RXYLT1: variants seen among roughly 807,000 people sequenced by gnomAD.
RXYLT1 encodes ribitol xylosyltransferase 1, also known as ribitol-5-phosphate xylosyltransferase 1.
A neutral mutation model predicts 43.5 loss-of-function variants in RXYLT1; 41 were observed. That is an observed-to-expected ratio of 0.94 (90% CI 0.73 to 1.22). The LOEUF is 1.22. Ranked by LOEUF, RXYLT1 falls within the 50% of genes most tolerant of loss-of-function variation. RXYLT1 has a pLI of 0.00. For missense variants in RXYLT1, 514 were observed against 532.0 expected (o/e 0.97, Z 0.33); for synonymous variants, 166 against 194.4 (o/e 0.85, Z 1.21).
intron 2 of RXYLT1, among the ~76,000 whole-genome samples, chr12:63,784,372 C>G (rs372564519): frequency 3.0e-4 from 45 of 152,308 alleles, no homozygotes; most frequent in African/African-American, 1.1e-3. Context: ...CTGCTCTCCT[C>G]TACTCTCAGA....
chr12:63,787,530 T>G (rs530060527), intron 3 of RXYLT1, among the ~76,000 whole-genome samples: 2 of 152,316 alleles, frequency 1.3e-5, no homozygotes, highest in South Asian at 4.1e-4. Flanking sequence ...TAATGAATCA[T>G]CTCCAGAAGG....
At chr12:63,788,268 T>C (rs1222894732) in intron 3 of RXYLT1, among the ~76,000 whole-genome samples, 1 of 152,222 alleles carries the variant, frequency 6.6e-6, no homozygotes, top group East Asian at 1.9e-4. Context: ...TAAATGAGCA[T>C]TGGCTTCAAC....
intron 3 of RXYLT1, among the ~76,000 whole-genome samples, chr12:63,797,359 TAACTC>T (rs1233834272): frequency 6.6e-6 from 1 of 152,020 alleles, no homozygotes; most frequent in East Asian, 1.9e-4. Context: ...GAAAGGCAAT[TAACTC>T]AATCTAAGTA....
At chr12:63,786,127 A>T (rs1464304710) in intron 3 of RXYLT1, among the ~76,000 whole-genome samples, 2 of 152,158 alleles carry the variant, frequency 1.3e-5, no homozygotes, top group Admixed American at 1.3e-4. Context: ...TATAAATCTA[A>T]TATTTTGGTA....
chr12:63,806,541 T>C (rs1008294200), intron 5 of RXYLT1: 2 of 152,222 alleles, frequency 1.3e-5, no homozygotes, highest in African/African-American at 4.8e-5. Context: ...GGCAGGAATG[T>C]GCTTACTATG....
chr12:63,801,063 C>T (rs898867558), intron 3 of RXYLT1, among the ~76,000 whole-genome samples: 1 of 152,008 alleles, frequency 6.6e-6, no homozygotes, highest in Non-Finnish European at 1.5e-5. Context: ...GGTAAAGCTC[C>T]CTTTGTACTG....
At position 63,781,018 on chromosome 12, in the gene RXYLT1, G is replaced by C. The variant is rs369494693; in HGVS notation, c.170-1G>C. The C allele has an allele frequency of 6.3e-7, 1 of 1,589,176 alleles. No homozygotes were observed. The highest frequency in any genetic ancestry group is 8.5e-7 in the Non-Finnish European group (1 of 1,170,726). On this transcript the variant is annotated splice_acceptor_variant, in intron 1 of 5. Transcript: ENST00000261234. LOFTEE classifies it high-confidence loss of function. Reference sequence around the variant, plus strand: ...GTAAACACTTACTCTTTTTAAAACAGAACAGTCCACTTTGGAAAGTGAAGA... The same window carrying C: ...GTAAACACTTACTCTTTTTAAAACACAACAGTCCACTTTGGAAAGTGAAGA...
chr12:63,802,402 C>T lies in RXYLT1; in HGVS notation c.740C>T (p.Ala247Val). ...VDVFQWPLGV[A>V]TYRNFPVVEA... ...GTTTTTCAGTGGCCTTTAGGAGTAG[C>T]AACGTAAGTACAAAATATGATTAAA... The change falls in exon 4 of 6, where the codon GCA becomes GTA. Residue 247 changes from alanine (A) to valine (V), a missense_variant. By Grantham distance (64) the Ala-to-Val change is moderately conservative. Coordinates refer to ENST00000261234, the MANE Select transcript of RXYLT1 (RefSeq NM_014254.3). 1.3e-6 allele frequency: 2 copies of T among 1,565,432 alleles called. No individual in the cohort carries two copies. The highest frequency in any genetic ancestry group is 1.7e-6 in the Non-Finnish European group (2 of 1,154,666).
Position 63,797,537 on chromosome 12 carries a change from T to C in RXYLT1, c.429-4554T>C, listed in dbSNP as rs547304094. Among the ~76,000 whole-genome samples the C allele has an allele frequency of 4.6e-5, 7 of 152,244 alleles. No individual in the cohort carries two copies. The South Asian group carries it at 1.0e-3, about 23-fold the overall frequency. On this transcript the variant is annotated intron_variant, in intron 3 of 5. Coordinates refer to ENST00000261234, the MANE Select transcript of RXYLT1 (RefSeq NM_014254.3). The stretch of plus-strand genomic sequence containing the variant: ...GATAAACTTGGGTTTATGCATGGAA[T>C]TGCAAACCAATCAATATTCCTAGAG...
chr12:63,783,479 A>G (rs1897732986), intron 2 of RXYLT1, among the ~76,000 whole-genome samples: 3 of 151,990 alleles, frequency 2.0e-5, no homozygotes, highest in African/African-American at 4.8e-5. Flanking sequence ...AAAACATTGC[A>G]TATTCTTACC....
chr12:63,780,184 G>C, intron 1 of RXYLT1, 55 bp downstream of exon 1: 1 of 1,402,368 alleles, frequency 7.1e-7, no homozygotes. Flanking sequence ...TGGGGCTGCT[G>C]GGCGGCTGGG....
At chr12:63,798,220 T>C (rs1440065198) in intron 3 of RXYLT1, among the ~76,000 whole-genome samples, 1 of 152,162 alleles carries the variant, frequency 6.6e-6, no homozygotes, top group Admixed American at 6.5e-5. Context: ...CTCTCAAACA[T>C]TGAGTGATCT....
At position 63,808,736 on chromosome 12, in the gene RXYLT1, G is replaced by A. The variant is rs759023683; in HGVS notation, c.976G>A (p.Asp326Asn). 57 of 1,611,124 alleles carry A rather than the reference G, an allele frequency of 3.5e-5. No homozygotes were observed. The highest frequency in any genetic ancestry group is 4.4e-5 in the Non-Finnish European group (52 of 1,179,476). Residue 326 changes from aspartate to asparagine, a missense_variant, in exon 6 of 6, where the codon GAT becomes AAT. Coordinates refer to ENST00000261234, the MANE Select transcript of RXYLT1 (RefSeq NM_014254.3). Reference sequence around the variant, plus strand: ...TTACCAAGATGCCTTGCTTCAGAGTGATCTCACATTGTGCCCGGTCGGAGT... The same window carrying A: ...TTACCAAGATGCCTTGCTTCAGAGTAATCTCACATTGTGCCCGGTCGGAGT... ...KNYQDALLQS[D>N]LTLCPVGVNT...
At position 63,783,198 on chromosome 12, in the gene RXYLT1, C is replaced by G. The variant is rs117567699; in HGVS notation, c.326-1772C>G. On this transcript the variant is annotated intron_variant, in intron 2 of 5. Transcript: ENST00000261234. ...CGCATATTCTAGGCATGGCGTCTCA[C>G]GCCCGTAATCCCAGCACTTTGGGAG... 3.3e-4 allele frequency among the ~76,000 whole-genome samples: 51 copies of G among 152,360 alleles called. 1 individual carries two copies. In the East Asian group the frequency reaches 9.6e-3, roughly 29 times the overall value.
At chr12:63,789,025 A>T (rs996288623) in intron 3 of RXYLT1, among the ~76,000 whole-genome samples, 3 of 152,172 alleles carry the variant, frequency 2.0e-5, no homozygotes, top group African/African-American at 7.2e-5. Flanking sequence ...CTTTAGTAAT[A>T]AGCAGAAAAG....
At position 63,802,405 on chromosome 12, in the gene RXYLT1, C is replaced by T. The variant is rs1190897905; in HGVS notation, c.743C>T (p.Thr248Ile). 11 of 1,559,160 alleles carry T rather than the reference C, an allele frequency of 7.1e-6. No homozygotes were observed. Among genetic ancestry groups the T allele is most frequent in the African/African-American group, 4.1e-5 (3 of 72,540 alleles). ...DVFQWPLGVA[T>I]YRNFPVVEAS... ...TTTCAGTGGCCTTTAGGAGTAGCAACGTAAGTACAAAATATGATTAAACAT... is the reference window on the plus strand; with the variant it reads ...TTTCAGTGGCCTTTAGGAGTAGCAATGTAAGTACAAAATATGATTAAACAT... The change falls in exon 4 of 6, where the codon ACA becomes ATA. Residue 248 changes from threonine (T) to isoleucine (I), a missense_variant and splice_region_variant. Thr to Ile is a moderately conservative substitution (Grantham distance 89, BLOSUM62 -1). Transcript: ENST00000261234.
intron 5 of RXYLT1, chr12:63,806,256 T>A (rs1326889960): frequency 6.6e-6 from 1 of 152,224 alleles, no homozygotes; most frequent in Non-Finnish European, 1.5e-5. Context: ...GTCCATGCCC[T>A]CCTGGCACTT....
At chr12:63,783,290 G>A (rs948849416) in intron 2 of RXYLT1, among the ~76,000 whole-genome samples, 9 of 152,192 alleles carry the variant, frequency 5.9e-5, no homozygotes, top group Non-Finnish European at 7.4e-5. Context: ...GTGAAACCCC[G>A]TCTGTACCAA....
chr12:63,809,199 A>G lies in RXYLT1; in HGVS notation c.*107A>G, dbSNP rs1898394031. 5.0e-6 allele frequency: 4 copies of G among 799,804 alleles called. No homozygotes were observed. Among genetic ancestry groups the G allele is most frequent in the Admixed American group, 3.0e-5 (1 of 33,310 alleles). The allele number at this position is 799,804 out of a possible 1,614,324, so 49.5% of individuals were successfully genotyped here. ...ATAGATGTTCTTTAAGGTACCCTTGAAAACTCTACATTATGTATGCCACAT... is the reference window on the plus strand; with the variant it reads ...ATAGATGTTCTTTAAGGTACCCTTGGAAACTCTACATTATGTATGCCACAT... On this transcript the variant is annotated 3_prime_UTR_variant, in exon 6 of 6. Transcript: ENST00000261234.
Sources: gnomAD v4.1 joint callset for allele counts (sites outside exome capture counted in the v4.1 genomes callset) on GRCh38, gnomAD v4.1.1 for gene constraint, MANE v1.5 for transcripts, NCBI Gene and HGNC (gene_info 2026-07-23, HGNC 2026-07-21) for gene names.